HIF1A: variants seen among roughly 807,000 people sequenced by gnomAD.
The protein encoded by HIF1A is hypoxia inducible factor 1 subunit alpha.
In HIF1A, 24 loss-of-function variants were observed where a neutral mutation model predicts 92.7. That is an observed-to-expected ratio of 0.26 (90% CI 0.19 to 0.36). The LOEUF (loss-of-function observed/expected upper bound fraction) is 0.36. HIF1A is among the 10% of genes least tolerant of loss of function. The probability of loss-of-function intolerance (pLI) is 1.00; values close to 1 mark genes in which losing one functional copy is unlikely to be tolerated. For missense variants in HIF1A, 799 were observed against 998.5 expected (o/e 0.80, Z 2.69); for synonymous variants, 319 against 338.7 (o/e 0.94, Z 0.64).
intron 1 of HIF1A, among the ~76,000 whole-genome samples, chr14:61,710,904 CA>C (rs1289593838): frequency 2.6e-5 from 4 of 151,860 alleles, no homozygotes; most frequent in Non-Finnish European, 5.9e-5. Flanking sequence ...AGTAAAAATA[CA>C]AAAAATTAGC....
chr14:61,724,444 T>C (rs2044478069), intron 4 of HIF1A, among the ~76,000 whole-genome samples: 1 of 148,482 alleles, frequency 6.7e-6, no homozygotes. Flanking sequence ...TTTAAAAATA[T>C]ACTCTTAAAT....
chr14:61,730,534 C>G (rs1341739204), intron 6 of HIF1A, among the ~76,000 whole-genome samples: 1 of 152,162 alleles, frequency 6.6e-6, no homozygotes, highest in African/African-American at 2.4e-5. Flanking sequence ...CCATGTTAAG[C>G]ATTTTTAAAA....
chr14:61,725,812 CTT>C (rs2044496244), intron 4 of HIF1A, among the ~76,000 whole-genome samples: 1 of 151,366 alleles, frequency 6.6e-6, no homozygotes, highest in African/African-American at 2.4e-5. Flanking sequence ...TTAATTCTGA[CTT>C]TATTTCTGTA....
intron 12 of HIF1A, among the ~76,000 whole-genome samples, chr14:61,742,099 C>G (rs1043347680): frequency 2.6e-5 from 4 of 152,144 alleles, no homozygotes; most frequent in African/African-American, 9.7e-5. Context: ...CAACAGGAAT[C>G]TAAGCATGAA....
intron 1 of HIF1A, among the ~76,000 whole-genome samples, chr14:61,696,669 A>C (rs2044120780): frequency 6.6e-6 from 1 of 152,194 alleles, no homozygotes; most frequent in Admixed American, 6.5e-5. Context: ...TTCATTCTTC[A>C]AATAATGAAA....
chr14:61,729,505 G>C (rs1441200113), intron 6 of HIF1A, among the ~76,000 whole-genome samples: 1 of 151,276 alleles, frequency 6.6e-6, no homozygotes, highest in Non-Finnish European at 1.5e-5. Flanking sequence ...GAAGGATGTT[G>C]TCAGGATTAA....
intron 7 of HIF1A, 65 bp from the exon 8 acceptor site, chr14:61,734,073 C>T: frequency 9.2e-7 from 1 of 1,081,674 alleles, no homozygotes; most frequent in East Asian, 2.7e-5. Flanking sequence ...AGCATCTGTT[C>T]ATTTAATTGA....
At chr14:61,736,453 T>G (rs887212865) in intron 8 of HIF1A, among the ~76,000 whole-genome samples, 5 of 152,150 alleles carry the variant, frequency 3.3e-5, no homozygotes, top group African/African-American at 1.2e-4. Context: ...GTAGTGAGCA[T>G]AATACCCAAC....
At chr14:61,703,942 T>C (rs2044206729) in intron 1 of HIF1A, among the ~76,000 whole-genome samples, 1 of 152,170 alleles carries the variant, frequency 6.6e-6, no homozygotes, top group African/African-American at 2.4e-5. Flanking sequence ...ATTTCTTCTA[T>C]GGGTTAGGGT....
intron 1 of HIF1A, chr14:61,698,861 C>T (rs1372662874): frequency 2.0e-5 from 3 of 152,180 alleles, no homozygotes; most frequent in Non-Finnish European, 2.9e-5. Flanking sequence ...TTACTCTGGA[C>T]TCTAGAGTCA....
chr14:61,731,802 C>T (rs2044578905), intron 6 of HIF1A, among the ~76,000 whole-genome samples: 1 of 152,160 alleles, frequency 6.6e-6, no homozygotes, highest in African/African-American at 2.4e-5. Context: ...TAATACCCTG[C>T]CTTGTTACCA....
chr14:61,695,920 C>T lies in HIF1A; in HGVS notation c.35+81C>T, dbSNP rs2044108311. On this transcript the variant is annotated intron_variant, in intron 1 of 14. Transcript: ENST00000337138. ...CCGCCCTGGGCTCCTGGGCCGGCCTCGGCGTTAATGGGATTGGGGGGGGCA... is the reference window on the plus strand; with the variant it reads ...CCGCCCTGGGCTCCTGGGCCGGCCTTGGCGTTAATGGGATTGGGGGGGGCA... 5.2e-6 allele frequency: 7 copies of T among 1,349,906 alleles called. No homozygotes were observed. The Admixed American group carries it at 6.1e-5, about 12-fold the overall frequency. The allele number at this position is 1,349,906 out of a possible 1,614,324, so 83.6% of individuals were successfully genotyped here.
chr14:61,699,484 C>CAAAAT (rs57008549), intron 1 of HIF1A, among the ~76,000 whole-genome samples: 2,799 of 149,522 alleles, frequency 0.019, 93 homozygotes, highest in African/African-American at 0.063. Context: ...CTGAAGAACT[C>CAAAAT]AGTTTATTAT....
At position 61,726,765 on chromosome 14, in the gene HIF1A, T is replaced by C; in HGVS notation, c.517T>C (p.Cys173Arg). 1.2e-6 allele frequency: 2 copies of C among 1,610,068 alleles called. No individual in the cohort carries two copies. Among genetic ancestry groups the C allele is most frequent in the Non-Finnish European group, 1.7e-6 (2 of 1,178,346 alleles). ...TQRSFFLRMKCTLTSRGRTMN... is the reference protein window; with the variant it reads ...TQRSFFLRMKRTLTSRGRTMN... ...GCGAAGCTTTTTTCTCAGAATGAAG[T>C]GTACCCTAACTAGCCGAGGAAGAAC... Residue 173 changes from cysteine (C) to arginine (R), a missense_variant, in exon 5 of 15, where the codon TGT (cysteine) becomes CGT (arginine). Physicochemically the swap from Cys to Arg is radical, Grantham distance 180. This residue lies in a region of HIF1A where 516 missense variants were observed against 721.0 expected (regional missense o/e 0.72). Coordinates refer to ENST00000337138, the MANE Select transcript of HIF1A (RefSeq NM_001530.4).
chr14:61,720,302 A>C, intron 1 of HIF1A, 80 bp from the exon 2 acceptor site: 2 of 966,976 alleles, frequency 2.1e-6, no homozygotes, highest in South Asian at 3.5e-5. Context: ...ATAAGCAGAA[A>C]TGTAAAGTTT....
intron 4 of HIF1A, among the ~76,000 whole-genome samples, chr14:61,723,258 T>A (rs2044455663): frequency 6.8e-6 from 1 of 147,336 alleles, no homozygotes; most frequent in South Asian, 2.2e-4. Flanking sequence ...CTGTTCTTCC[T>A]ATTTTATATG....
At chr14:61,708,571 C>A (rs1345310990) in intron 1 of HIF1A, among the ~76,000 whole-genome samples, 1 of 151,924 alleles carries the variant, frequency 6.6e-6, no homozygotes, top group Non-Finnish European at 1.5e-5. Flanking sequence ...ATCCTTTCCC[C>A]ATTTCTTGTT....
chr14:61,730,943 A>G (rs2140146216), intron 6 of HIF1A, among the ~76,000 whole-genome samples: 1 of 152,308 alleles, frequency 6.6e-6, no homozygotes, highest in South Asian at 2.1e-4. Flanking sequence ...GTTTTCCTTT[A>G]TAATGCTGCC....
chr14:61,731,919 C>G (rs955231870), intron 6 of HIF1A, among the ~76,000 whole-genome samples: 7 of 152,172 alleles, frequency 4.6e-5, no homozygotes, highest in African/African-American at 1.7e-4. Flanking sequence ...GGTGAATTAC[C>G]TGAGTTCAGG....
Sources: allele counts gnomAD v4.1 joint callset (sites outside exome capture counted in the v4.1 genomes callset), GRCh38; gene constraint gnomAD v4.1.1; regional missense constraint gnomAD v4.1.1; transcripts MANE v1.5; gene names NCBI Gene and HGNC (gene_info 2026-07-23, HGNC 2026-07-21).